The following NOP56 variants were observed in gnomAD, a reference collection of about 807,000 sequenced individuals.
NOP56 encodes NOP56 ribonucleoprotein.
NOP56 carries 31 observed loss-of-function variants against 58.3 expected under a neutral mutation model. The ratio of observed to expected loss-of-function variants is 0.53; its 90% CI spans 0.40 to 0.72. The LOEUF (loss-of-function observed/expected upper bound fraction) is 0.72, where lower values mean the gene tolerates loss of function less well. Ranked by LOEUF, NOP56 falls within the 30% of genes least tolerant of loss-of-function variation. NOP56 has a pLI of 0.00. For missense variants in NOP56, 669 were observed against 739.9 expected (o/e 0.90, Z 1.11); for synonymous variants, 313 against 282.8 (o/e 1.11, Z -1.07).
In NOP56 at chr20:2,656,772, A is replaced by G. The variant is rs1328354922; in HGVS notation, c.1160-2A>G. The G allele has an allele frequency of 6.2e-7, 1 of 1,614,020 alleles. No homozygotes were observed. Among genetic ancestry groups the G allele is most frequent in the Non-Finnish European group, 8.5e-7 (1 of 1,180,010 alleles). On this transcript the variant is annotated splice_acceptor_variant, in intron 9 of 11. Coordinates refer to ENST00000329276, the MANE Select transcript of NOP56 (RefSeq NM_006392.4). LOFTEE classifies it high-confidence loss of function. ...CAGGCTTTGTCACCCACACACATCC[A>G]GAGGTGCCCACGAGTGTATTCGGGG...
At chr20:2,655,136 T>G (rs367846783) in intron 5 of NOP56, 189 bp downstream of exon 5, 2 of 1,026,486 alleles carry the variant, frequency 1.9e-6, no homozygotes, top group Non-Finnish European at 3.1e-6. Flanking sequence ...AGAGTAAACC[T>G]ACCCCATATA....
At position 2,654,207 on chromosome 20, in the gene NOP56, AGGCTT is replaced by A. The variant is rs1244443139; in HGVS notation, c.209-206_209-202del. 11 of 754,660 alleles carry A rather than the reference AGGCTT, an allele frequency of 1.5e-5. No homozygotes were observed. The African/African-American group carries it at 1.9e-4, about 13-fold the overall frequency. The allele number at this position is 754,660 out of a possible 1,614,324, so 46.7% of individuals were successfully genotyped here. On this transcript the variant is annotated intron_variant, in intron 3 of 11. Coordinates refer to ENST00000329276, the MANE Select transcript of NOP56 (RefSeq NM_006392.4). ...ATGCAGTTGTTCCCATGGCTGGGCCAGGCTTTGCAGTGATGACTTGCGAATCAAAT... is the reference window on the plus strand; with the variant it reads ...ATGCAGTTGTTCCCATGGCTGGGCCATGCAGTGATGACTTGCGAATCAAAT...
chr20:2,657,745 C>T (rs2146300223), intron 11 of NOP56, 184 bp from the exon 12 acceptor site: 3 of 651,646 alleles, frequency 4.6e-6, no homozygotes, highest in Non-Finnish European at 7.8e-6. Flanking sequence ...TTTCTCATGA[C>T]ATGTTTTCCT....
chr20:2,652,971 C>G, intron 2 of NOP56, 40 bp downstream of exon 2: 1 of 1,519,326 alleles, frequency 6.6e-7, no homozygotes, highest in South Asian at 1.2e-5. Context: ...GCCCCGCAGA[C>G]CCTCATCGCG....
Position 2,652,822 on chromosome 20 carries a change from C to G in NOP56, c.4-20C>G. The G allele has an allele frequency of 6.2e-7, 1 of 1,604,286 alleles. No individual in the cohort carries two copies. The highest frequency in any genetic ancestry group is 8.5e-7 in the Non-Finnish European group (1 of 1,176,170). ...GACGCTGAGGTTGCGTTGACGCTCG[C>G]GCCCCGGCTCCCGTTCCAGGTGCTG... On this transcript the variant is annotated intron_variant, in intron 1 of 11. Coordinates refer to ENST00000329276, the MANE Select transcript of NOP56 (RefSeq NM_006392.4).
chr20:2,657,991 T>C lies in NOP56; in HGVS notation c.1482T>C (p.Asn494=), dbSNP rs143418103. 28 of 1,610,756 alleles carry C rather than the reference T, an allele frequency of 1.7e-5. No homozygotes were observed. In the African/African-American group the frequency reaches 3.1e-4, roughly 18 times the overall value. ...AGCCCCAGGAGGTTCCTCAGGAGAA[T>C]GGAATGGAAGACCCATCTATCTCTT... is the stretch of plus-strand genomic sequence containing the variant. The part of the protein sequence containing the change: ...KQKPQEVPQE[N]GMEDPSISFS... Residue 494 remains asparagine (N), a synonymous_variant, in exon 12 of 12, where the codon AAT becomes AAC. Transcript: ENST00000329276.
At chr20:2,654,103 C>A (rs1200603092) in intron 3 of NOP56, 5 of 568,912 alleles carry the variant, frequency 8.8e-6, no homozygotes, top group Non-Finnish European at 1.4e-5. Context: ...AGGTTTGGTT[C>A]CAGAAGGCAA....
At chr20:2,655,155 C>G in intron 5 of NOP56, 170 bp from the exon 6 acceptor site, 1 of 1,059,240 alleles carries the variant, frequency 9.4e-7, no homozygotes, top group Non-Finnish European at 1.5e-6. Flanking sequence ...TACACCTCAG[C>G]TCAGGCCCTG....
In NOP56 at chr20:2,653,370, A is replaced by G. The variant is rs1568540192; in HGVS notation, c.185A>G (p.Glu62Gly). 6.2e-7 allele frequency: 1 copy of G among 1,614,086 alleles called. No individual in the cohort carries two copies. The highest frequency in any genetic ancestry group is 2.2e-5 in the East Asian group (1 of 44,880). Reference protein sequence around the residue: ...CPFASSQVALENANAVSEGVV... With the variant: ...CPFASSQVALGNANAVSEGVV... ...TTTGCCTCATCCCAGGTTGCCTTGG[A>G]AAATGCCAACGCCGTGTCTGAAGGT... Residue 62 changes from glutamate (E) to glycine (G), a missense_variant, in exon 3 of 12, where the codon GAA becomes GGA. Physicochemically the swap from Glu to Gly is moderately conservative, Grantham distance 98 (BLOSUM62 -2). This residue lies in a region of NOP56 where 121 missense variants were observed against 113.1 expected (regional missense o/e 1.07). Transcript: ENST00000329276.
Position 2,653,410 on chromosome 20 carries a change from C to T in NOP56, c.208+17C>T. On this transcript the variant is annotated intron_variant, in intron 3 of 11. Coordinates refer to ENST00000329276, the MANE Select transcript of NOP56 (RefSeq NM_006392.4). ...TGTCTGAAGGTAAGTCGGCCACCGCCAAGTGTCACAGAGAGATGTGGTTCC... is the reference window on the plus strand; with the variant it reads ...TGTCTGAAGGTAAGTCGGCCACCGCTAAGTGTCACAGAGAGATGTGGTTCC... The T allele has an allele frequency of 6.3e-7, 1 of 1,592,454 alleles. No homozygotes were observed. Among genetic ancestry groups the T allele is most frequent in the South Asian group, 1.1e-5 (1 of 90,666 alleles).
intron 2 of NOP56, 83 bp from the exon 3 acceptor site, chr20:2,653,196 T>G: frequency 8.6e-7 from 1 of 1,164,464 alleles, no homozygotes. Context: ...TTTAAGAGCT[T>G]CCAAGGCTGA....
In NOP56 at chr20:2,655,958, G is replaced by T; in HGVS notation, c.934G>T (p.Ala312Ser). ...GGTAGGTGCACGTCTCATCGCACAT[G>T]CTGGCAGCCTCACCAACCTGGCCAA... ...EAVGARLIAH[A>S]GSLTNLAKYP... The change falls in exon 8 of 12, where the codon GCT becomes TCT. Residue 312 changes from alanine (A) to serine (S), a missense_variant. This residue lies in a region of NOP56 where 339 missense variants were observed against 430.5 expected (regional missense o/e 0.79). Coordinates refer to ENST00000329276, the MANE Select transcript of NOP56 (RefSeq NM_006392.4). 2 of 1,614,176 alleles carry T rather than the reference G, an allele frequency of 1.2e-6. No homozygotes were observed.
intron 1 of NOP56, 84 bp from the exon 2 acceptor site, chr20:2,652,758 C>CCCTGGGCCTGGGCCTGG (rs55762518): frequency 5.9e-6 from 7 of 1,195,968 alleles, no homozygotes; most frequent in African/African-American, 1.6e-5. Context: ...CCTGGGCCTG[C>CCCTGGGCCTGGGCCTGG]GCCTGCGCCT....
In NOP56 at chr20:2,654,435, G is replaced by A. The variant is rs181807228; in HGVS notation, c.230G>A (p.Arg77His). Residue 77 changes from arginine (R) to histidine (H), a missense_variant, in exon 4 of 12, where the codon CGC becomes CAC. By Grantham distance (29) the Arg-to-His change is conservative. Around this residue, in one of 3 missense-constraint regions of NOP56, gnomAD observed 121 missense variants for 113.1 expected, o/e 1.07. Coordinates refer to ENST00000329276, the MANE Select transcript of NOP56 (RefSeq NM_006392.4). ...VSEGVVHEDLRLLLETHLPSK... is the reference protein window; with the variant it reads ...VSEGVVHEDLHLLLETHLPSK... The stretch of plus-strand genomic sequence containing the variant: ...TGAGGGGTTGTTCATGAGGACCTCC[G>A]CCTGCTCTTGGAGACCCACCTGCCG... 39 of 1,614,136 alleles carry A rather than the reference G, an allele frequency of 2.4e-5. No individual in the cohort carries two copies. The highest frequency in any genetic ancestry group is 1.5e-4 in the Admixed American group (9 of 60,026).
Position 2,658,309 on chromosome 20 carries a change from T to C in NOP56, c.*15T>C. On this transcript the variant is annotated 3_prime_UTR_variant, in exon 12 of 12. Coordinates refer to ENST00000329276, the MANE Select transcript of NOP56 (RefSeq NM_006392.4). ...AGGAAGATTAGAATGCAAATGGACA[T>C]TCTCTGGGAGGTGGGGCATACCATA... The C allele has an allele frequency of 6.2e-7, 1 of 1,600,182 alleles. No homozygotes were observed. The highest frequency in any genetic ancestry group is 1.3e-5 in the African/African-American group (1 of 74,744).
At chr20:2,652,967 C>CA in intron 2 of NOP56, 36 bp downstream of exon 2, 1 of 1,532,352 alleles carries the variant, frequency 6.5e-7, no homozygotes, top group African/African-American at 1.4e-5. Context: ...GGCGGCCCCG[C>CA]AGACCCTCAT....
At position 2,654,538 on chromosome 20, in the gene NOP56, C is replaced by T. The variant is rs773869571; in HGVS notation, c.333C>T (p.Asn111=). The T allele has an allele frequency of 1.2e-6, 2 of 1,614,072 alleles. No homozygotes were observed. The highest frequency in any genetic ancestry group is 1.7e-6 in the Non-Finnish European group (2 of 1,180,046). The change falls in exon 4 of 12, where the codon AAC becomes AAT. Residue 111 remains asparagine (N), a synonymous_variant. Transcript: ENST00000329276. ...GAAIQEELGY[N]CQTGGVIAEI... ...CAATACAGGAGGAGTTAGGGTACAA[C>T]TGCCAGACTGGAGGAGTCATAGCTG...
At position 2,656,398 on chromosome 20, in the gene NOP56, CAG is replaced by C; in HGVS notation, c.1011_1012del. The C allele has an allele frequency of 6.2e-7, 1 of 1,614,132 alleles. No individual in the cohort carries two copies. Among genetic ancestry groups the C allele is most frequent in the African/African-American group, 1.3e-5 (1 of 75,042 alleles). ...TTAAACTCTCCACTGAATATTCTCT[CAG>C]AGCCCTGAAGACAAGGGGTAACACT... On this transcript the variant is annotated splice_acceptor_variant, in intron 8 of 11. Coordinates refer to ENST00000329276, the MANE Select transcript of NOP56 (RefSeq NM_006392.4). LOFTEE classifies it high-confidence loss of function.
chr20:2,652,651 A>G lies in NOP56; in HGVS notation c.-10A>G. 1 of 1,423,826 alleles carries G rather than the reference A, an allele frequency of 7.0e-7. No individual in the cohort carries two copies. 88.2% of individuals were successfully genotyped at this position (1,423,826 alleles called of 1,614,324 possible). ...AGCCGCATTGCGAGCCGAACCCGGG[A>G]GCTGGCGCCATGGTGAGGAGTGGTT... On this transcript the variant is annotated 5_prime_UTR_variant, in exon 1 of 12. Transcript: ENST00000329276.
Sources: gnomAD v4.1 joint callset for allele counts on GRCh38, gnomAD v4.1.1 for gene constraint, gnomAD v4.1.1 regional missense constraint, MANE v1.5 for transcripts, NCBI Gene and HGNC (gene_info 2026-07-23, HGNC 2026-07-21) for gene names.